Variants in MED12L observed in about 807,000 individuals in gnomAD.
The protein encoded by MED12L is mediator complex subunit 12L, also known as mediator of RNA polymerase II transcription subunit 12-like protein.
MED12L carries 60 observed loss-of-function variants against 281.3 expected under a neutral mutation model. The ratio of observed to expected loss-of-function variants is 0.21; its 90% CI spans 0.17 to 0.26. The LOEUF (loss-of-function observed/expected upper bound fraction) is 0.26, where lower values mean the gene tolerates loss of function less well. MED12L is among the 10% of genes least tolerant of loss of function. MED12L has a pLI of 1.00. For missense variants in MED12L, 2,146 were observed against 2,680.9 expected (o/e 0.80, Z 4.41); for synonymous variants, 974 against 987.2 (o/e 0.99, Z 0.25).
At chr3:151,416,070 T>G (rs1229768307) in intron 42 of MED12L, among the ~76,000 whole-genome samples, 4 of 152,188 alleles carry the variant, frequency 2.6e-5, no homozygotes, top group Non-Finnish European at 4.4e-5. Context: ...ACAGCAGTAC[T>G]GACTGCCAGT....
intron 5 of MED12L, among the ~76,000 whole-genome samples, chr3:151,151,986 A>C (rs1718586088): frequency 6.6e-6 from 1 of 150,918 alleles, no homozygotes; most frequent in Non-Finnish European, 1.5e-5. Context: ...TGGAGCTAGC[A>C]TGGTGGTGAG....
chr3:151,225,953 G>A (rs1730410363), intron 16 of MED12L, among the ~76,000 whole-genome samples: 1 of 152,154 alleles, frequency 6.6e-6, no homozygotes, highest in Non-Finnish European at 1.5e-5. Flanking sequence ...TTTGGCTCCT[G>A]TGTACCCCTG....
intron 16 of MED12L, among the ~76,000 whole-genome samples, chr3:151,290,256 A>G (rs1479497598): frequency 2.0e-5 from 3 of 152,224 alleles, no homozygotes; most frequent in African/African-American, 4.8e-5. Context: ...AAACTGAAAT[A>G]AAAGGAATTT....
chr3:151,411,508 G>A lies in MED12L; in HGVS notation c.6140+1G>A, dbSNP rs770539936. ...TGCAGCCCCTGACTGGCTCTCAGAG[G>A]TGATACATGTGGAAATGATGATGGC... On this transcript the variant is annotated splice_donor_variant, in intron 41 of 44. Transcript: ENST00000687756. LOFTEE classifies it high-confidence loss of function. 1 of 1,613,422 alleles carries A rather than the reference G, an allele frequency of 6.2e-7. No individual in the cohort carries two copies. Among genetic ancestry groups the A allele is most frequent in the Non-Finnish European group, 8.5e-7 (1 of 1,179,380 alleles).
chr3:151,367,865 G>A, intron 24 of MED12L, 99 bp downstream of exon 24: 1 of 1,367,000 alleles, frequency 7.3e-7, no homozygotes, highest in Non-Finnish European at 1.0e-6. Context: ...TTGAGGGTAT[G>A]TATATTGGGA....
At chr3:151,368,915 C>T (rs149527615) in intron 25 of MED12L, among the ~76,000 whole-genome samples, 1 of 151,804 alleles carries the variant, frequency 6.6e-6, no homozygotes, top group African/African-American at 2.4e-5. Context: ...GCATGCACCA[C>T]CATGCCTGGC....
At chr3:151,399,408 A>G (rs1410368129) in intron 39 of MED12L, among the ~76,000 whole-genome samples, 1 of 152,254 alleles carries the variant, frequency 6.6e-6, no homozygotes, top group African/African-American at 2.4e-5. Flanking sequence ...GTTTACTTGT[A>G]TAATTACATA....
At chr3:151,187,092 T>G (rs142846168) in intron 12 of MED12L, among the ~76,000 whole-genome samples, 1 of 152,338 alleles carries the variant, frequency 6.6e-6, no homozygotes, top group East Asian at 1.9e-4. Flanking sequence ...ATCATATTGT[T>G]GAAACTGGGG....
At chr3:151,329,111 C>T in intron 16 of MED12L, 1 of 775,948 alleles carries the variant, frequency 1.3e-6, no homozygotes, top group Non-Finnish European at 2.0e-6. Flanking sequence ...AGCATATTAA[C>T]ATCCTGCATT....
chr3:151,231,242 A>G (rs1054168096), intron 16 of MED12L, among the ~76,000 whole-genome samples: 1 of 152,238 alleles, frequency 6.6e-6, no homozygotes, highest in Non-Finnish European at 1.5e-5. Flanking sequence ...GGACATCACC[A>G]TTTTGCAACC....
intron 8 of MED12L, among the ~76,000 whole-genome samples, chr3:151,162,608 T>A (rs183814140): frequency 1.3e-5 from 2 of 151,836 alleles, no homozygotes; most frequent in African/African-American, 4.8e-5. Flanking sequence ...CCAGCTAATT[T>A]TTAAATTTTT....
chr3:151,107,335 G>A (rs1031773592), intron 2 of MED12L, among the ~76,000 whole-genome samples: 3 of 152,196 alleles, frequency 2.0e-5, no homozygotes, highest in South Asian at 2.1e-4. Context: ...TCAGAGCTCA[G>A]GTCAAAGGCC....
At chr3:151,425,584 GTC>G (rs913350450) in intron 43 of MED12L, 97 of 452,662 alleles carry the variant, frequency 2.1e-4, no homozygotes, top group African/African-American at 1.7e-3. Context: ...GTGTGTGTGT[GTC>G]TGTGTTTAAT....
chr3:151,137,174 A>C (rs759410885), intron 5 of MED12L, among the ~76,000 whole-genome samples: 3 of 114,742 alleles, frequency 2.6e-5, no homozygotes, highest in Non-Finnish European at 6.3e-5. Flanking sequence ...AAAAAAAAGA[A>C]AAAAAAAAAA....
At chr3:151,282,347 AGTTTTTTTTT>A (rs988153172) in intron 16 of MED12L, among the ~76,000 whole-genome samples, 52 of 140,192 alleles carry the variant, frequency 3.7e-4, no homozygotes, top group African/African-American at 9.9e-4. Flanking sequence ...TATATAATTT[AGTTTTTTTTT>A]GTTTTTTTTT....
At chr3:151,214,152 A>G in intron 16 of MED12L, 2 of 1,614,016 alleles carry the variant, frequency 1.2e-6, no homozygotes, top group South Asian at 2.2e-5. Context: ...AGATGATGAA[A>G]CTCTTAGAGC....
chr3:151,251,275 G>GTGTCTCTCTCAA (rs2149449969), intron 16 of MED12L, among the ~76,000 whole-genome samples: 1 of 152,152 alleles, frequency 6.6e-6, no homozygotes, highest in East Asian at 1.9e-4. Flanking sequence ...CCTACTCAAT[G>GTGTCTCTCTCAA]TGTCTCTCTC....
At position 151,382,754 on chromosome 3, in the gene MED12L, C is replaced by CATTTCTAGTAT; in HGVS notation, c.4680+10_4680+20dup. The CATTTCTAGTAT allele has an allele frequency of 6.2e-7, 1 of 1,601,040 alleles. No individual in the cohort carries two copies. Among genetic ancestry groups the CATTTCTAGTAT allele is most frequent in the Non-Finnish European group, 8.5e-7 (1 of 1,171,884 alleles). On this transcript the variant is annotated intron_variant, in intron 33 of 44. Transcript: ENST00000687756. ...AACTCCGCCTAAATTTGGTAAGTGA[C>CATTTCTAGTAT]ATTTCTAGTATTTTCCCTCCATTAA... is the stretch of plus-strand genomic sequence containing the variant.
At chr3:151,400,590 G>A (rs933089427) in intron 39 of MED12L, among the ~76,000 whole-genome samples, 1 of 152,156 alleles carries the variant, frequency 6.6e-6, no homozygotes, top group Non-Finnish European at 1.5e-5. Flanking sequence ...AAGGAAATAG[G>A]TAATTTAAAG....
Sources: allele counts gnomAD v4.1 joint callset (sites outside exome capture counted in the v4.1 genomes callset), GRCh38; gene constraint gnomAD v4.1.1; transcripts MANE v1.5; gene names NCBI Gene and HGNC (gene_info 2026-07-23, HGNC 2026-07-21).